The following SLC44A1 variants were observed in gnomAD, a reference collection of about 807,000 sequenced individuals.
SLC44A1 encodes the protein solute carrier family 44 member 1, also known as choline transporter-like protein 1.
SLC44A1 carries 26 observed loss-of-function variants against 79.3 expected under a neutral mutation model. That is an observed-to-expected ratio of 0.33 (90% confidence interval 0.24 to 0.46). The LOEUF is 0.46. SLC44A1 is among the 20% of genes least tolerant of loss of function. The pLI, the probability that SLC44A1 is intolerant of heterozygous loss-of-function variation, is 1.00. For synonymous variants in SLC44A1, 263 were observed against 286.2 expected (o/e 0.92, Z 0.82); for missense variants, 688 against 798.1 (o/e 0.86, Z 1.66).
chr9:105,290,035 C>T (rs327980), intron 1 of SLC44A1, among the ~76,000 whole-genome samples: 21,232 of 151,916 alleles, frequency 0.14, 1,968 homozygotes, highest in African/African-American at 0.26. Flanking sequence ...AGGCTGGTCT[C>T]GAACTCCTGA....
At chr9:105,325,415 T>C (rs1450292935) in intron 3 of SLC44A1, among the ~76,000 whole-genome samples, 1 of 152,212 alleles carries the variant, frequency 6.6e-6, no homozygotes, top group Non-Finnish European at 1.5e-5. Flanking sequence ...AACTGGGTAA[T>C]TTATAAAGAA....
At chr9:105,283,122 A>C (rs963414149) in intron 1 of SLC44A1, among the ~76,000 whole-genome samples, 5 of 152,172 alleles carry the variant, frequency 3.3e-5, no homozygotes, top group Non-Finnish European at 7.4e-5. Context: ...TAAACTCAGC[A>C]CTCTCATGCT....
Position 105,389,737 on chromosome 9 carries a change from A to C in SLC44A1, c.*681A>C. ...CTTCTTTAAAAGAAAGTAGGTAAAA[A>C]AAGAAAAGGGTAGATAATCTTTCGT... On this transcript the variant is annotated 3_prime_UTR_variant, in exon 16 of 16. Transcript: ENST00000374720. 1 of 1,282,952 alleles carries C rather than the reference A, an allele frequency of 7.8e-7. No homozygotes were observed. Among genetic ancestry groups the C allele is most frequent in the Non-Finnish European group, 9.9e-7 (1 of 1,010,434 alleles). 79.5% of individuals were successfully genotyped at this position (1,282,952 alleles called of 1,614,324 possible). A position where few individuals can be genotyped will look rare whatever the true frequency, so the allele number is the denominator to read the frequency against.
chr9:105,335,474 A>G, intron 3 of SLC44A1, 89 bp from the exon 4 acceptor site: 2 of 887,450 alleles, frequency 2.3e-6, no homozygotes, highest in South Asian at 2.3e-5. Context: ...TGTGGAATAG[A>G]TGTTCTTTGC....
downstream of SLC44A1, among the ~76,000 whole-genome samples, chr9:105,400,340 T>C (rs1047863240): frequency 6.6e-6 from 1 of 150,990 alleles, no homozygotes; most frequent in African/African-American, 2.4e-5. Context: ...AATACAAAAA[T>C]TAGCTGAGTG....
chr9:105,271,673 G>A (rs955941401), intron 1 of SLC44A1, among the ~76,000 whole-genome samples: 3 of 152,140 alleles, frequency 2.0e-5, no homozygotes, highest in Non-Finnish European at 4.4e-5. Flanking sequence ...GAGTGCAGTG[G>A]TGCAATCTCA....
At chr9:105,416,589 A>G (rs1564057234) in intron 15 of SLC44A1, among the ~76,000 whole-genome samples, 1 of 152,138 alleles carries the variant, frequency 6.6e-6, no homozygotes, top group Non-Finnish European at 1.5e-5. Context: ...CAGAAAAGAG[A>G]CTGGTGTGTG....
In SLC44A1 at chr9:105,390,227, G is replaced by A. The variant is rs561649620; in HGVS notation, c.*1171G>A. The A allele has an allele frequency of 5.2e-5, 58 of 1,107,164 alleles. No individual in the cohort carries two copies. The South Asian group carries it at 2.1e-3, about 41-fold the overall frequency. The allele number at this position is 1,107,164 out of a possible 1,614,324, so 68.6% of individuals were successfully genotyped here. On this transcript the variant is annotated 3_prime_UTR_variant, in exon 16 of 16. Transcript: ENST00000374720. ...TTCCTGAAGCTTACCAGATATGAATGGCTAATACTCCATTGTTCTGCTTGT... is the reference window on the plus strand; with the variant it reads ...TTCCTGAAGCTTACCAGATATGAATAGCTAATACTCCATTGTTCTGCTTGT...
chr9:105,391,520 A>G lies in SLC44A1; in HGVS notation c.*2464A>G, dbSNP rs79325437. On this transcript the variant is annotated 3_prime_UTR_variant, in exon 16 of 16. Transcript: ENST00000374720. ...GTGTAGAAATATGCAGATATGCATT[A>G]CACAGGCACACACAGAGAGATATTT... is the stretch of plus-strand genomic sequence containing the variant. 17,142 of 985,496 alleles carry G rather than the reference A, an allele frequency of 0.017. 194 individuals are homozygous for G. Among genetic ancestry groups the G allele is most frequent in the Non-Finnish European group, 0.019 (16,088 of 829,764 alleles). The allele number at this position is 985,496 out of a possible 1,614,324, so 61.0% of individuals were successfully genotyped here.
At chr9:105,266,186 C>G (rs1829957696) in intron 1 of SLC44A1, among the ~76,000 whole-genome samples, 1 of 152,080 alleles carries the variant, frequency 6.6e-6, no homozygotes, top group Non-Finnish European at 1.5e-5. Flanking sequence ...AGGCTGGTCT[C>G]AAACTGCTGG....
At chr9:105,363,227 C>T (rs1317034983) in intron 9 of SLC44A1, among the ~76,000 whole-genome samples, 3 of 151,928 alleles carry the variant, frequency 2.0e-5, no homozygotes, top group East Asian at 3.9e-4. Flanking sequence ...AAGTGGTGCT[C>T]TCTTGGCTCA....
Position 105,362,942 on chromosome 9 carries a change from C to G in SLC44A1, c.1022C>G (p.Thr341Ser), listed in dbSNP as rs1410284863. ...CTGCTAGTCTTCCAACCCTTCTGGA[C>G]TTTCTTTGCTCTTGTCTTGTTTTGG... ...LPLLVFQPFW[T>S]FFALVLFWVY... is the part of the protein sequence containing the mutation. Residue 341 changes from threonine (T) to serine (S), a missense_variant, in exon 9 of 16, where the codon ACT becomes AGT. Thr to Ser is a moderately conservative substitution (Grantham distance 58). Transcript: ENST00000374720. 4 of 1,613,810 alleles carry G rather than the reference C, an allele frequency of 2.5e-6. No homozygotes were observed. Among genetic ancestry groups the G allele is most frequent in the Non-Finnish European group, 3.4e-6 (4 of 1,179,910 alleles).
At chr9:105,257,453 A>G (rs989547351) in intron 1 of SLC44A1, among the ~76,000 whole-genome samples, 4 of 151,950 alleles carry the variant, frequency 2.6e-5, no homozygotes, top group Non-Finnish European at 5.9e-5. Context: ...CTGGCCTCAA[A>G]TTCCTGGGCT....
chr9:105,391,905 G>T lies in SLC44A1; in HGVS notation c.*2849G>T. On this transcript the variant is annotated 3_prime_UTR_variant, in exon 16 of 16. Transcript: ENST00000374720. ...TCATATTTCTAGAGTTTTAATTGGG[G>T]TCCTCTATTGTCAATTGTAGTAGTG... 1 of 985,232 alleles carries T rather than the reference G, an allele frequency of 1.0e-6. No individual in the cohort carries two copies. Among genetic ancestry groups the T allele is most frequent in the African/African-American group, 1.7e-5 (1 of 57,286 alleles). The allele number at this position is 985,232 out of a possible 1,614,324, so 61.0% of individuals were successfully genotyped here.
intron 5 of SLC44A1, among the ~76,000 whole-genome samples, chr9:105,354,195 C>T (rs1460717527): frequency 2.7e-5 from 4 of 150,202 alleles, no homozygotes; most frequent in Admixed American, 6.6e-5. Flanking sequence ...GGACTACAGG[C>T]GCCCGCTACC....
At chr9:105,262,533 A>T (rs189162202) in intron 1 of SLC44A1, among the ~76,000 whole-genome samples, 20 of 152,374 alleles carry the variant, frequency 1.3e-4, no homozygotes, top group Admixed American at 8.5e-4. Flanking sequence ...ATTTTAAAGT[A>T]GAACACATCG....
intron 15 of SLC44A1, among the ~76,000 whole-genome samples, chr9:105,423,143 A>T (rs1325958024): frequency 6.6e-6 from 1 of 152,128 alleles, no homozygotes; most frequent in Non-Finnish European, 1.5e-5. Flanking sequence ...AACGTGTATT[A>T]AAAATCTCAA....
At chr9:105,404,233 CAA>C (rs71489339) in intron 15 of SLC44A1, among the ~76,000 whole-genome samples, 5 of 44,444 alleles carry the variant, frequency 1.1e-4, no homozygotes, top group Non-Finnish European at 1.6e-4. Context: ...GGACTCATCT[CAA>C]AAAAAAAAAA....
intron 15 of SLC44A1, among the ~76,000 whole-genome samples, chr9:105,407,605 T>G (rs1178232682): frequency 1.3e-5 from 2 of 152,164 alleles, no homozygotes; most frequent in Non-Finnish European, 2.9e-5. Flanking sequence ...ACACCTGTAA[T>G]CCCACTGTAA....
Sources: allele counts gnomAD v4.1 joint callset (sites outside exome capture counted in the v4.1 genomes callset), GRCh38; gene constraint gnomAD v4.1.1; transcripts MANE v1.5; gene names NCBI Gene and HGNC (gene_info 2026-07-23, HGNC 2026-07-21).